KANK1: variants seen among roughly 807,000 people sequenced by gnomAD.
KANK1 encodes KN motif and ankyrin repeat domains 1, also known as KN motif and ankyrin repeat domain-containing protein 1.
In KANK1, 109 loss-of-function variants were observed where a neutral mutation model predicts 106.2. The observed-to-expected ratio is 1.03, with a 90% CI of 0.88 to 1.20. The LOEUF (loss-of-function observed/expected upper bound fraction) is 1.20, where lower values mean the gene tolerates loss of function less well. Among genes scored for constraint, KANK1 ranks in the 50% most tolerant of loss-of-function variants. The probability of loss-of-function intolerance (pLI) is 0.00; values close to 1 mark genes in which losing one functional copy is unlikely to be tolerated. For synonymous variants in KANK1, 873 were observed against 652.2 expected (o/e 1.34, Z -5.16); for missense variants, 2,399 against 1,710.7 (o/e 1.40, Z -7.10).
At chr9:506,045 C>G (rs752558185) in intron 1 of KANK1, among the ~76,000 whole-genome samples, 11 of 152,140 alleles carry the variant, frequency 7.2e-5, no homozygotes, top group Admixed American at 2.0e-4. Context: ...TAAATTTACT[C>G]TTCTAAGGTC....
Position 514,167 on chromosome 9 carries a change from T to TCTCCCTCC in KANK1, c.-84+9416_-84+9423dup, listed in dbSNP as rs2059166047. Among the ~76,000 whole-genome samples the TCTCCCTCC allele has an allele frequency of 8.9e-5, 3 of 33,538 alleles. No homozygotes were observed. In the African/African-American group the frequency reaches 9.4e-4, roughly 10 times the overall value. 22.0% of individuals were successfully genotyped at this position (33,538 alleles called of 152,430 possible). ...CCCTTCCTCTCTCCCTCCCTTCCTC[T>TCTCCCTCC]CTCCCTCCCTTCCTCTCTCCCTCCC... On this transcript the variant is annotated intron_variant, in intron 1 of 11. Transcript: ENST00000382297.
chr9:671,761 A>T (rs1815193605), intron 1 of KANK1, among the ~76,000 whole-genome samples: 1 of 152,012 alleles, frequency 6.6e-6, no homozygotes, highest in Non-Finnish European at 1.5e-5. Context: ...CAGCCTGGCC[A>T]ACATGGTGAA....
At chr9:562,042 CTTTTTT>C (rs34419752) in intron 1 of KANK1, among the ~76,000 whole-genome samples, 20 of 104,920 alleles carry the variant, frequency 1.9e-4, no homozygotes, top group African/African-American at 4.4e-4. Flanking sequence ...ATTGCATTTT[CTTTTTT>C]TTTTTTTTTT....
chr9:732,235 C>A, intron 5 of KANK1, 143 bp from the exon 6 acceptor site: 2 of 941,376 alleles, frequency 2.1e-6, no homozygotes, highest in South Asian at 1.7e-5. Flanking sequence ...TTTAAATAGA[C>A]CTTACTTTGA....
intron 1 of KANK1, among the ~76,000 whole-genome samples, chr9:518,548 A>G (rs1233543474): frequency 6.6e-6 from 1 of 151,686 alleles, no homozygotes; most frequent in African/African-American, 2.4e-5. Flanking sequence ...TGCGAGGTGT[A>G]TGTTTTCTTT....
intron 1 of KANK1, among the ~76,000 whole-genome samples, chr9:557,034 C>T (rs2134246687): frequency 6.6e-6 from 1 of 151,898 alleles, no homozygotes; most frequent in East Asian, 1.9e-4. Flanking sequence ...AAACAAATTT[C>T]TGGGCGAGTG....
At chr9:556,633 A>G (rs2061602702) in intron 1 of KANK1, among the ~76,000 whole-genome samples, 1 of 152,222 alleles carries the variant, frequency 6.6e-6, no homozygotes, top group East Asian at 1.9e-4. Context: ...TTGTTCCATT[A>G]AGATAATTCT....
rs1440481043 is a variant in KANK1, at chr9:481,437, G to A, written c.-362+8164G>A. 3.3e-5 allele frequency among the ~76,000 whole-genome samples: 5 copies of A among 151,882 alleles called. 1 individual carries two copies. Among genetic ancestry groups the A allele is most frequent in the African/African-American group, 9.7e-5 (4 of 41,148 alleles). ...TTCTTTGCCTGCTGAGTTCTGTGAT[G>A]TGTATAAAAATAATGCACTTTTATC... On this transcript the variant is annotated intron_variant, in intron 3 of 15. Coordinates refer to the KANK1 transcript ENST00000382303.
intron 7 of KANK1, among the ~76,000 whole-genome samples, chr9:736,604 C>T (rs1564119845): frequency 2.0e-5 from 3 of 151,544 alleles, no homozygotes; most frequent in African/African-American, 7.3e-5. Context: ...GAGGCTGAGG[C>T]AAGAAGATAG....
intron 3 of KANK1, among the ~76,000 whole-genome samples, chr9:726,468 G>A (rs1435052074): frequency 6.6e-6 from 1 of 152,050 alleles, no homozygotes; most frequent in African/African-American, 2.4e-5. Context: ...GTGAAACCGA[G>A]TCTCTACTAA....
At chr9:678,272 C>T (rs746884942) in intron 2 of KANK1, among the ~76,000 whole-genome samples, 6 of 152,122 alleles carry the variant, frequency 3.9e-5, no homozygotes, top group African/African-American at 1.4e-4. Flanking sequence ...TAATATCTAA[C>T]ATTCATTGAA....
At chr9:659,960 C>A in intron 1 of KANK1, 1 of 180,416 alleles carries the variant, frequency 5.5e-6, no homozygotes, top group South Asian at 1.2e-4. Flanking sequence ...CTTTTGCAGC[C>A]ATTTCCACTG....
intron 1 of KANK1, among the ~76,000 whole-genome samples, chr9:622,710 T>TAGTGAAGTTGA (rs1183605025): frequency 6.6e-6 from 1 of 152,010 alleles, no homozygotes; most frequent in African/African-American, 2.4e-5. Flanking sequence ...GAGACCAGCC[T>TAGTGAAGTTGA]GGCCAACATA....
At chr9:636,833 C>G (rs1563905168) in intron 1 of KANK1, among the ~76,000 whole-genome samples, 2 of 152,300 alleles carry the variant, frequency 1.3e-5, no homozygotes, top group East Asian at 3.9e-4. Context: ...CCATTGGACT[C>G]CAGCCAGGCG....
chr9:598,587 TC>T (rs1262999535), intron 1 of KANK1, among the ~76,000 whole-genome samples: 1 of 150,200 alleles, frequency 6.7e-6, no homozygotes, highest in Non-Finnish European at 1.5e-5. Context: ...TTAAATTTGT[TC>T]CTAGGTTTTT....
In KANK1 at chr9:524,982, C is replaced by CTTTTTTTTTTTTTTTT. The variant is rs35377139; in HGVS notation, c.-84+20235_-84+20250dup. Among the ~76,000 whole-genome samples the CTTTTTTTTTTTTTTTT allele has an allele frequency of 6.0e-4, 55 of 91,954 alleles. 6 individuals are homozygous for CTTTTTTTTTTTTTTTT. Among genetic ancestry groups the CTTTTTTTTTTTTTTTT allele is most frequent in the African/African-American group, 2.5e-3 (53 of 21,332 alleles). 60.3% of individuals were successfully genotyped at this position (91,954 alleles called of 152,430 possible). On this transcript the variant is annotated intron_variant, in intron 1 of 11. Transcript: ENST00000382297. ...TTAGTCAATCCCAAACTCTTGCTGC[C>CTTTTTTTTTTTTTTTT]TTTTTTTTTTTTTTTTTTTTTTGAG...
intron 7 of KANK1, chr9:735,823 T>C (rs1484090003): frequency 2.8e-6 from 1 of 362,802 alleles, no homozygotes; most frequent in African/African-American, 2.1e-5. Flanking sequence ...GTGAAACCCT[T>C]TCTCTACTAA....
At position 745,813 on chromosome 9, in the gene KANK1, G is replaced by A. The variant is rs1003581900; in HGVS notation, c.*578G>A. 1.3e-5 allele frequency: 2 copies of A among 152,550 alleles called. No individual in the cohort carries two copies. Among genetic ancestry groups the A allele is most frequent in the Admixed American group, 6.5e-5 (1 of 15,278 alleles). The allele number at this position is 152,550 out of a possible 1,614,324, so 9.4% of individuals were successfully genotyped here. On this transcript the variant is annotated 3_prime_UTR_variant, in exon 12 of 12. Transcript: ENST00000382297. Reference sequence around the variant, plus strand: ...GTAATATATGACTTTTTATAAAAAGGGTATCTATATGAACTTGACACAGTA... The same window carrying A: ...GTAATATATGACTTTTTATAAAAAGAGTATCTATATGAACTTGACACAGTA...
intron 11 of KANK1, 161 bp from the exon 12 acceptor site, chr9:745,012 T>G: frequency 4.0e-6 from 6 of 1,503,154 alleles, no homozygotes; most frequent in Non-Finnish European, 4.4e-6. Context: ...CAGCTGGCCT[T>G]GGAGCTGTGG....
Sources: allele counts gnomAD v4.1 joint callset (sites outside exome capture counted in the v4.1 genomes callset), GRCh38; gene constraint gnomAD v4.1.1; transcripts MANE v1.5; gene names NCBI Gene and HGNC (gene_info 2026-07-23, HGNC 2026-07-21).